Variants in MACROD1 observed in about 807,000 individuals in gnomAD.
MACROD1 encodes the protein mono-ADP ribosylhydrolase 1.
A neutral mutation model predicts 41.4 loss-of-function variants in MACROD1; 31 were observed. The observed-to-expected ratio is 0.75, with a 90% CI of 0.56 to 1.01. The LOEUF (loss-of-function observed/expected upper bound fraction) is 1.01. Among genes scored for constraint, MACROD1 ranks in the 50% least tolerant of loss-of-function variants. The pLI is 0.00. For synonymous variants in MACROD1, 252 were observed against 203.4 expected, an observed-to-expected ratio of 1.24 and a Z score of -2.03; for missense variants, 473 against 460.0, an observed-to-expected ratio of 1.03 and a Z score of -0.26.
chr11:64,000,371 T>C (rs1380657232), intron 4 of MACROD1, 28 bp from the exon 5 acceptor site: 21 of 1,459,606 alleles, frequency 1.4e-5, no homozygotes, highest in South Asian at 5.1e-5. Context: ...GCGACTGAGC[T>C]GGCCTGGCAA....
At chr11:64,078,107 G>A (rs903272254) in intron 3 of MACROD1, among the ~76,000 whole-genome samples, 9 of 152,172 alleles carry the variant, frequency 5.9e-5, no homozygotes, top group Admixed American at 3.9e-4. Context: ...CGCACCTGCC[G>A]GCTTGGGGCT....
chr11:64,085,819 C>G (rs1944383896), intron 3 of MACROD1, among the ~76,000 whole-genome samples: 2 of 152,332 alleles, frequency 1.3e-5, no homozygotes, highest in African/African-American at 4.8e-5. Flanking sequence ...CGGGGAATAA[C>G]AGCATCCCCA....
chr11:64,063,759 G>A (rs1053939261), intron 3 of MACROD1, among the ~76,000 whole-genome samples: 1 of 152,180 alleles, frequency 6.6e-6, no homozygotes, highest in African/African-American at 2.4e-5. Flanking sequence ...TCCTCGCCCG[G>A]CTGTCAGCCA....
intron 3 of MACROD1, among the ~76,000 whole-genome samples, chr11:64,112,932 C>T (rs1360190628): frequency 6.6e-6 from 1 of 152,186 alleles, no homozygotes; most frequent in African/African-American, 2.4e-5. Context: ...CACGGCAGGG[C>T]CCATTCTGTC....
intron 3 of MACROD1, among the ~76,000 whole-genome samples, chr11:64,080,051 C>T (rs192296102): frequency 3.2e-4 from 49 of 152,300 alleles, no homozygotes; most frequent in Middle Eastern, 3.4e-3. Context: ...CTCACTCTGT[C>T]GCCCAGGCTG....
At chr11:64,165,241 T>A (rs1163470891) in intron 1 of MACROD1, among the ~76,000 whole-genome samples, 1 of 152,170 alleles carries the variant, frequency 6.6e-6, no homozygotes, top group East Asian at 1.9e-4. Context: ...TCAGCCCCAT[T>A]CCCGAACACT....
At position 64,100,019 on chromosome 11, in the gene MACROD1, C is replaced by T. The variant is rs113823294; in HGVS notation, c.517+51220G>A. 3.9e-5 allele frequency among the ~76,000 whole-genome samples: 6 copies of T among 152,252 alleles called. 1 individual carries two copies. The highest frequency in any genetic ancestry group is 1.4e-4 in the African/African-American group (6 of 41,542). On this transcript the variant is annotated intron_variant, in intron 3 of 10. Coordinates refer to ENST00000255681, the MANE Select transcript of MACROD1 (RefSeq NM_014067.4). ...TCTCTTGCGCTGTCTTGGAGTAGTG[C>T]AGCAAGAAGGAAACTGGCCTGGAGT...
At chr11:64,139,059 G>A (rs1459362649) in intron 3 of MACROD1, among the ~76,000 whole-genome samples, 3 of 152,212 alleles carry the variant, frequency 2.0e-5, no homozygotes, top group South Asian at 2.1e-4. Context: ...GAGCCACCGC[G>A]CCCGGCCCAC....
intron 3 of MACROD1, among the ~76,000 whole-genome samples, chr11:64,070,454 C>A (rs1040561928): frequency 1.3e-5 from 2 of 152,176 alleles, no homozygotes; most frequent in Non-Finnish European, 2.9e-5. Context: ...AGGGATAAAA[C>A]GCCAAACAAA....
chr11:64,086,357 A>G (rs1944395049), intron 3 of MACROD1, among the ~76,000 whole-genome samples: 1 of 152,060 alleles, frequency 6.6e-6, no homozygotes, highest in Non-Finnish European at 1.5e-5. Context: ...TGAATCTTAC[A>G]TATGCATATG....
chr11:64,094,788 G>A (rs551735023), intron 3 of MACROD1, among the ~76,000 whole-genome samples: 6 of 152,340 alleles, frequency 3.9e-5, no homozygotes, highest in East Asian at 1.9e-4. Context: ...CCACGACCAC[G>A]GCATCCTTGG....
rs1273073055 is a variant in MACROD1 at position 64,151,371 on chromosome 11, G to A, written c.401-16C>T. ...ACAGCCACCCCTGGAACAAGTAGGGGCCGGGGAGGTCACAGCGAGGCTGCC... is the reference window on the plus strand; with the variant it reads ...ACAGCCACCCCTGGAACAAGTAGGGACCGGGGAGGTCACAGCGAGGCTGCC... On this transcript the variant is annotated splice_polypyrimidine_tract_variant and intron_variant, in intron 2 of 10. Coordinates refer to ENST00000255681, the MANE Select transcript of MACROD1 (RefSeq NM_014067.4). 1.9e-6 allele frequency: 3 copies of A among 1,595,548 alleles called. No individual in the cohort carries two copies. In the East Asian group the frequency reaches 6.7e-5, roughly 36 times the overall value.
At chr11:64,008,556 C>T (rs867277543) in intron 4 of MACROD1, among the ~76,000 whole-genome samples, 3 of 152,044 alleles carry the variant, frequency 2.0e-5, no homozygotes, top group Non-Finnish European at 2.9e-5. Flanking sequence ...GGCAGAGGAG[C>T]GCTCGGGCCC....
intron 3 of MACROD1, among the ~76,000 whole-genome samples, chr11:64,101,956 T>C (rs1476283624): frequency 6.6e-6 from 1 of 152,126 alleles, no homozygotes; most frequent in Non-Finnish European, 1.5e-5. Context: ...CCAAATGCCT[T>C]CCCTGCCAGG....
At chr11:64,148,683 A>G (rs1945530607) in intron 3 of MACROD1, 5 of 941,710 alleles carry the variant, frequency 5.3e-6, no homozygotes, top group Non-Finnish European at 6.3e-6. Flanking sequence ...TTTACATATG[A>G]ATTAAGCACA....
At chr11:64,117,294 G>A (rs763641756) in intron 3 of MACROD1, 2 of 1,614,154 alleles carry the variant, frequency 1.2e-6, no homozygotes, top group Non-Finnish European at 1.7e-6. Flanking sequence ...GCGGGACTGG[G>A]TGAAGGCACG....
At chr11:64,006,437 G>A (rs1327179049) in intron 4 of MACROD1, among the ~76,000 whole-genome samples, 1 of 152,262 alleles carries the variant, frequency 6.6e-6, no homozygotes, top group Non-Finnish European at 1.5e-5. Flanking sequence ...CGGTGCCAAG[G>A]CGGGTGGGTG....
intron 1 of MACROD1, among the ~76,000 whole-genome samples, chr11:64,157,329 G>T (rs1418817677): frequency 1.3e-5 from 2 of 152,140 alleles, no homozygotes. Context: ...CCTGACCTCA[G>T]ATGATCCACC....
At chr11:64,107,461 C>T (rs996656768) in intron 3 of MACROD1, among the ~76,000 whole-genome samples, 2 of 151,548 alleles carry the variant, frequency 1.3e-5, no homozygotes, top group Admixed American at 6.6e-5. Context: ...CTCTGAAGTT[C>T]AGGACATCCC....
Sources: gnomAD v4.1 joint callset for allele counts (sites outside exome capture counted in the v4.1 genomes callset) on GRCh38, gnomAD v4.1.1 for gene constraint, MANE v1.5 for transcripts, NCBI Gene and HGNC (gene_info 2026-07-23, HGNC 2026-07-21) for gene names.